Variants in APBA2 observed in about 807,000 individuals in gnomAD.
APBA2 encodes the protein amyloid beta precursor protein binding family A member 2.
In APBA2, 30 loss-of-function variants were observed where a neutral mutation model predicts 75.0. The observed-to-expected ratio is 0.40, with a 90% CI of 0.30 to 0.54. APBA2 has a LOEUF of 0.54. Ranked by LOEUF, APBA2 falls within the 20% of genes least tolerant of loss-of-function variation. The pLI is 0.49. For missense variants in APBA2, 801 were observed against 1,016.1 expected, an observed-to-expected ratio of 0.79 and a Z score of 2.88; for synonymous variants, 444 against 409.6, an observed-to-expected ratio of 1.08 and a Z score of -1.01.
chr15:29,090,371 CG>C (rs2043501037), intron 6 of APBA2, among the ~76,000 whole-genome samples: 1 of 152,214 alleles, frequency 6.6e-6, no homozygotes, highest in Admixed American at 6.5e-5. Context: ...CAGGGGGAGA[CG>C]AGGCCAGTCT....
intron 9 of APBA2, among the ~76,000 whole-genome samples, chr15:29,100,196 G>T (rs1399072090): frequency 2.6e-5 from 4 of 152,212 alleles, no homozygotes; most frequent in Admixed American, 6.5e-5. Flanking sequence ...TCTGACACCT[G>T]GGGATTGATT....
chr15:29,078,340 C>T (rs751963885), intron 6 of APBA2, among the ~76,000 whole-genome samples: 8 of 136,516 alleles, frequency 5.9e-5, no homozygotes, highest in South Asian at 2.4e-4. Context: ...TGGCCAGGCA[C>T]GGTGGCTCAT....
At chr15:28,941,798 C>A (rs1214933544) in intron 2 of APBA2, among the ~76,000 whole-genome samples, 1 of 152,218 alleles carries the variant, frequency 6.6e-6, no homozygotes, top group Admixed American at 6.5e-5. Context: ...GCTCTTTCGC[C>A]CAGGCTGGAG....
At chr15:28,911,824 G>C (rs1353665503) in intron 1 of APBA2, among the ~76,000 whole-genome samples, 1 of 152,128 alleles carries the variant, frequency 6.6e-6, no homozygotes, top group Non-Finnish European at 1.5e-5. Context: ...TTTAGTGATG[G>C]AGGGATGGAA....
intron 13 of APBA2, 126 bp from the exon 14 acceptor site, chr15:29,113,750 G>A (rs965185736): frequency 8.2e-6 from 10 of 1,224,678 alleles, no homozygotes; most frequent in South Asian, 1.4e-5. Flanking sequence ...GTGAGTCAGC[G>A]AATTGCACGT....
intron 6 of APBA2, among the ~76,000 whole-genome samples, chr15:29,085,784 G>C (rs1017190267): frequency 2.0e-5 from 3 of 152,060 alleles, no homozygotes; most frequent in Non-Finnish European, 4.4e-5. Context: ...TCTTGCCCCA[G>C]GTCTGGAACC....
chr15:28,910,866 G>A (rs2033397335), intron 1 of APBA2, among the ~76,000 whole-genome samples: 1 of 152,162 alleles, frequency 6.6e-6, no homozygotes, highest in African/African-American at 2.4e-5. Flanking sequence ...GGCTTGATAT[G>A]AAGTTATTTA....
chr15:29,109,751 C>A (rs934120363), intron 13 of APBA2, among the ~76,000 whole-genome samples: 1 of 152,228 alleles, frequency 6.6e-6, no homozygotes, highest in South Asian at 2.1e-4. Flanking sequence ...TGCTGTGTGA[C>A]CCTCAACAAG....
rs776526267 is a variant in APBA2, at chr15:29,053,927, G to T, written c.43G>T (p.Asp15Tyr). Residue 15 changes from aspartate to tyrosine, a missense_variant, in exon 4 of 15, where the codon GAC becomes TAC. By Grantham distance (160) the Asp-to-Tyr change is radical. Coordinates refer to ENST00000683413, the MANE Select transcript of APBA2 (RefSeq NM_001353788.2). ...TGAGAGCGTGGGGAGCGGCATGTTGGACCATAGGGTGAGACCAGGTCCTGT... is the reference window on the plus strand; with the variant it reads ...TGAGAGCGTGGGGAGCGGCATGTTGTACCATAGGGTGAGACCAGGTCCTGT... ...KLESVGSGML[D>Y]HRVRPGPVPH... 3.1e-6 allele frequency: 5 copies of T among 1,613,704 alleles called. No individual in the cohort carries two copies. The South Asian group carries it at 5.5e-5, about 18-fold the overall frequency.
chr15:28,986,162 T>C (rs909171106), intron 2 of APBA2, among the ~76,000 whole-genome samples: 2 of 152,222 alleles, frequency 1.3e-5, no homozygotes, highest in African/African-American at 4.8e-5. Context: ...CAAAGTTTCC[T>C]GCCTCCTGGA....
rs375960744 is a variant in APBA2 at position 28,962,895 on chromosome 15, G to A, written c.-94-32858G>A. Among the ~76,000 whole-genome samples, 22 of 152,286 alleles carry A rather than the reference G, an allele frequency of 1.4e-4. No individual in the cohort carries two copies. In the East Asian group the frequency reaches 2.7e-3, roughly 19 times the overall value. Reference sequence around the variant, plus strand: ...TTAACCGCTTCCTGGACAAGGCAGGGACTTTGCATACAGATATATCAGTAT... The same window carrying A: ...TTAACCGCTTCCTGGACAAGGCAGGAACTTTGCATACAGATATATCAGTAT... On this transcript the variant is annotated intron_variant, in intron 2 of 14. Transcript: ENST00000683413.
intron 6 of APBA2, among the ~76,000 whole-genome samples, chr15:29,077,431 G>A (rs1445325566): frequency 2.6e-5 from 4 of 152,212 alleles, no homozygotes; most frequent in Non-Finnish European, 5.9e-5. Flanking sequence ...GTATCATAGT[G>A]TCATCTGGAC....
At chr15:28,944,660 C>T (rs140061161) in intron 2 of APBA2, among the ~76,000 whole-genome samples, 95 of 152,260 alleles carry the variant, frequency 6.2e-4, no homozygotes, top group African/African-American at 2.2e-3. Context: ...GGAACCAAGG[C>T]GATGTTGAGA....
intron 2 of APBA2, among the ~76,000 whole-genome samples, chr15:28,981,309 G>A (rs1472367541): frequency 6.6e-6 from 1 of 152,118 alleles, no homozygotes; most frequent in Non-Finnish European, 1.5e-5. Flanking sequence ...AATTGAACAA[G>A]CAAGAACCAA....
chr15:28,948,752 C>A (rs779285102), intron 2 of APBA2, among the ~76,000 whole-genome samples: 1 of 152,102 alleles, frequency 6.6e-6, no homozygotes. Context: ...TAGGGCCTTG[C>A]GGCGGCATCT....
At chr15:28,909,805 T>G (rs2033343873) in intron 1 of APBA2, among the ~76,000 whole-genome samples, 1 of 152,228 alleles carries the variant, frequency 6.6e-6, no homozygotes, top group African/African-American at 2.4e-5. Context: ...GAAGGCCGTG[T>G]GACCACAGGG....
intron 3 of APBA2, among the ~76,000 whole-genome samples, chr15:29,020,194 A>T (rs1011767555): frequency 6.6e-6 from 1 of 152,138 alleles, no homozygotes; most frequent in African/African-American, 2.4e-5. Flanking sequence ...TATACAAGCA[A>T]AAAAAGGTTT....
chr15:29,112,662 C>T (rs748501), intron 13 of APBA2, among the ~76,000 whole-genome samples: 9,408 of 152,212 alleles, frequency 0.062, 983 homozygotes, highest in African/African-American at 0.22. Flanking sequence ...TCCATTTTTC[C>T]GGTTTTTGTT....
intron 2 of APBA2, among the ~76,000 whole-genome samples, chr15:28,956,735 C>T (rs2036189490): frequency 6.6e-6 from 1 of 152,176 alleles, no homozygotes; most frequent in South Asian, 2.1e-4. Flanking sequence ...CCCATTCCTC[C>T]TCCCCTCACC....
Sources: allele counts gnomAD v4.1 joint callset (sites outside exome capture counted in the v4.1 genomes callset), GRCh38; gene constraint gnomAD v4.1.1; transcripts MANE v1.5; gene names NCBI Gene and HGNC (gene_info 2026-07-23, HGNC 2026-07-21).